Variants in JMY observed in about 807,000 individuals in gnomAD.
JMY encodes junction-mediating and -regulatory protein.
A neutral mutation model predicts 103.3 loss-of-function variants in JMY; 46 were observed. The ratio of observed to expected loss-of-function variants is 0.45; its 90% confidence interval spans 0.35 to 0.57. JMY has a LOEUF of 0.57. JMY is among the 20% of genes least tolerant of loss of function. JMY has a pLI of 0.00. For missense variants in JMY, 1,238 were observed against 1,255.2 expected (o/e 0.99, Z 0.21); for synonymous variants, 526 against 489.3 (o/e 1.07, Z -0.99).
intron 1 of JMY, among the ~76,000 whole-genome samples, chr5:79,248,402 G>C (rs551925560): frequency 2.0e-5 from 3 of 151,894 alleles, no homozygotes; most frequent in African/African-American, 7.3e-5. Context: ...TGCCTCCCAG[G>C]TGCAAGCAAT....
intron 1 of JMY, among the ~76,000 whole-genome samples, chr5:79,274,031 A>T (rs10474579): frequency 0.53 from 79,733 of 151,744 alleles, 21,657 homozygotes; most frequent in Non-Finnish European, 0.62. Context: ...GGGTTTCACC[A>T]TGTTAACCAG....
chr5:79,258,314 G>GTTT (rs35099268), intron 1 of JMY, among the ~76,000 whole-genome samples: 1 of 76,284 alleles, frequency 1.3e-5, no homozygotes, highest in African/African-American at 3.4e-5. Context: ...TGTTTTTGTT[G>GTTT]TTTTTTTTTT....
intron 1 of JMY, among the ~76,000 whole-genome samples, chr5:79,250,320 C>T (rs1398551558): frequency 1.3e-5 from 2 of 152,166 alleles, no homozygotes; most frequent in African/African-American, 2.4e-5. Context: ...GTTGCTGCTT[C>T]GTGTATACAT....
At chr5:79,258,134 C>T (rs1745303276) in intron 1 of JMY, among the ~76,000 whole-genome samples, 1 of 151,998 alleles carries the variant, frequency 6.6e-6, no homozygotes, top group Non-Finnish European at 1.5e-5. Flanking sequence ...TGTATTTTCC[C>T]AGGGGTAGAA....
At chr5:79,312,298 G>T in intron 7 of JMY, 105 bp from the exon 8 acceptor site, 2 of 568,796 alleles carry the variant, frequency 3.5e-6, no homozygotes, top group Non-Finnish European at 5.8e-6. Context: ...TTTGTTCAGT[G>T]AATCATCCCC....
At chr5:79,316,372 GT>G (rs1747220492) in intron 10 of JMY, 62 bp downstream of exon 10, 33 of 1,308,626 alleles carry the variant, frequency 2.5e-5, no homozygotes, top group Non-Finnish European at 3.2e-5. Context: ...GGATGATGAG[GT>G]TTGGGGTATT....
In JMY at chr5:79,312,535, T is replaced by C. The variant is rs774620461; in HGVS notation, c.2064+37T>C. On this transcript the variant is annotated intron_variant, in intron 8 of 10. Coordinates refer to ENST00000396137, the MANE Select transcript of JMY (RefSeq NM_152405.5). Reference sequence around the variant, plus strand: ...AATGGTCCATTTATTGTTTTTCTTTTTTTTTTTTTTTTAACAGAGCTACAT... The same window carrying C: ...AATGGTCCATTTATTGTTTTTCTTTCTTTTTTTTTTTTAACAGAGCTACAT... The C allele has an allele frequency of 4.6e-6, 5 of 1,081,258 alleles. No individual in the cohort carries two copies. In the East Asian group the frequency reaches 8.5e-5, roughly 18 times the overall value. 67.0% of individuals were successfully genotyped at this position (1,081,258 alleles called of 1,614,324 possible).
intron 2 of JMY, 42 bp from the exon 3 acceptor site, chr5:79,290,079 G>A: frequency 6.8e-7 from 1 of 1,472,242 alleles, no homozygotes; most frequent in South Asian, 1.4e-5. Context: ...ATGAGTAGAA[G>A]AAAGACTTGA....
chr5:79,324,731 A>G lies in JMY; in HGVS notation c.*3129A>G, dbSNP rs879829210. On this transcript the variant is annotated 3_prime_UTR_variant, in exon 11 of 11. Transcript: ENST00000396137. Reference sequence around the variant, plus strand: ...GGCTTACTGAGTTTGTGAGCAGCATAAAAACAATCATTCCTTAATTCTTCA... The same window carrying G: ...GGCTTACTGAGTTTGTGAGCAGCATGAAAACAATCATTCCTTAATTCTTCA... The G allele has an allele frequency of 6.6e-6, 1 of 152,322 alleles. No individual in the cohort carries two copies. The highest frequency in any genetic ancestry group is 1.5e-5 in the Non-Finnish European group (1 of 68,040). The allele number at this position is 152,322 out of a possible 1,614,324, so 9.4% of individuals were successfully genotyped here.
intron 2 of JMY, among the ~76,000 whole-genome samples, chr5:79,282,529 C>T (rs147852060): frequency 2.1e-4 from 32 of 151,894 alleles, no homozygotes; most frequent in African/African-American, 7.7e-4. Context: ...GTGATCAGTG[C>T]CTAAAGATAT....
chr5:79,314,631 T>TCCCCC lies in JMY; in HGVS notation c.2440_2444dup (p.Pro817HisfsTer73). The TCCCCC allele has an allele frequency of 1.0e-6, 1 of 978,600 alleles. No homozygotes were observed. Among genetic ancestry groups the TCCCCC allele is most frequent in the Non-Finnish European group, 1.5e-6 (1 of 674,354 alleles). The allele number at this position is 978,600 out of a possible 1,614,324, so 60.6% of individuals were successfully genotyped here. On this transcript the variant is annotated frameshift_variant, in exon 9 of 11. Coordinates refer to ENST00000396137, the MANE Select transcript of JMY (RefSeq NM_152405.5). LOFTEE classifies it high-confidence loss of function. ...CCCCTCTTCCTCCAACACCACCACC[T>TCCCCC]CCCCCACCTCCTCCCCCTCCCCCAC... is the stretch of plus-strand genomic sequence containing the variant.
At chr5:79,254,900 G>T (rs75075413) in intron 1 of JMY, among the ~76,000 whole-genome samples, 1 of 149,454 alleles carries the variant, frequency 6.7e-6, no homozygotes, top group African/African-American at 2.5e-5. Flanking sequence ...TCTTTCTTCT[G>T]CTTGATCAGT....
At chr5:79,246,502 G>C (rs953919771) in intron 1 of JMY, among the ~76,000 whole-genome samples, 1 of 152,134 alleles carries the variant, frequency 6.6e-6, no homozygotes, top group Non-Finnish European at 1.5e-5. Context: ...GTTAATATCT[G>C]TGATTTTGGG....
rs1746885863 is a variant in JMY, at chr5:79,306,479, G to A, written c.1968+18G>A. The A allele has an allele frequency of 6.4e-7, 1 of 1,558,872 alleles. No homozygotes were observed. Among genetic ancestry groups the A allele is most frequent in the African/African-American group, 1.4e-5 (1 of 73,490 alleles). The stretch of plus-strand genomic sequence containing the variant: ...TACAACTAGTAAGTTTGGATTCGAA[G>A]ATTTTGAACAAAACTTAATTTTTTT... On this transcript the variant is annotated intron_variant, in intron 7 of 10. Transcript: ENST00000396137.
chr5:79,284,683 A>G (rs1259105276), intron 2 of JMY: 2 of 1,589,386 alleles, frequency 1.3e-6, no homozygotes, highest in African/African-American at 1.3e-5. Context: ...TCTAAGTGCA[A>G]CTTCATCATT....
chr5:79,266,181 G>A (rs1300012269), intron 1 of JMY, among the ~76,000 whole-genome samples: 5 of 152,164 alleles, frequency 3.3e-5, no homozygotes. Context: ...CATTCACAGA[G>A]GCGTTCAGTT....
At chr5:79,314,196 C>A in intron 8 of JMY, 61 bp from the exon 9 acceptor site, 2 of 1,537,280 alleles carry the variant, frequency 1.3e-6, no homozygotes, top group Admixed American at 2.1e-5. Flanking sequence ...AATAAATAGG[C>A]ATGTGCTCAT....
chr5:79,236,542 G>A lies in JMY; in HGVS notation c.-109G>A, dbSNP rs1744500386. On this transcript the variant is annotated 5_prime_UTR_variant, in exon 1 of 11. It removes an upstream start codon present in the reference 5' UTR. Transcript: ENST00000396137. ...GGAGAGCCGGCCGGCGCACTAAGAT[G>A]GCTGAAGGCGCCCGGCGAGGGTGAG... is the stretch of plus-strand genomic sequence containing the variant. The A allele has an allele frequency of 1.1e-6, 1 of 887,998 alleles. No individual in the cohort carries two copies. Among genetic ancestry groups the A allele is most frequent in the Non-Finnish European group, 1.5e-6 (1 of 655,670 alleles). 55.0% of individuals were successfully genotyped at this position (887,998 alleles called of 1,614,324 possible).
At chr5:79,302,098 A>AC (rs1263805584) in intron 6 of JMY, among the ~76,000 whole-genome samples, 6 of 151,804 alleles carry the variant, frequency 4.0e-5, no homozygotes, top group Admixed American at 1.3e-4. Flanking sequence ...AAAAAAAAAA[A>AC]AAAACATTGC....
Sources: allele counts gnomAD v4.1 joint callset (sites outside exome capture counted in the v4.1 genomes callset), GRCh38; gene constraint gnomAD v4.1.1; transcripts MANE v1.5; gene names NCBI Gene and HGNC (gene_info 2026-07-23, HGNC 2026-07-21).